Variants in IGSF11 observed in about 807,000 individuals in gnomAD.
IGSF11 encodes CXADR like 1.
IGSF11 carries 22 observed loss-of-function variants against 41.0 expected under a neutral mutation model. The observed-to-expected ratio is 0.54, with a 90% confidence interval of 0.38 to 0.77. The LOEUF (loss-of-function observed/expected upper bound fraction) is 0.77. IGSF11 is among the 30% of genes least tolerant of loss of function. The pLI, the probability that IGSF11 is intolerant of heterozygous loss-of-function variation, is 0.00. For missense variants in IGSF11, 444 were observed against 530.8 expected, an observed-to-expected ratio of 0.84 and a Z score of 1.61; for synonymous variants, 219 against 201.3, an observed-to-expected ratio of 1.09 and a Z score of -0.74.
At chr3:119,060,682 T>G (rs931346970) in intron 1 of IGSF11, among the ~76,000 whole-genome samples, 3 of 152,170 alleles carry the variant, frequency 2.0e-5, no homozygotes, top group Non-Finnish European at 4.4e-5. Context: ...ATAGTAAAGC[T>G]TAGAAAGTAA....
At chr3:119,012,142 G>A (rs112867874) in intron 1 of IGSF11, among the ~76,000 whole-genome samples, 2 of 152,228 alleles carry the variant, frequency 1.3e-5, no homozygotes, top group African/African-American at 4.8e-5. Context: ...GAAAAGAAAA[G>A]TGAGACACAG....
At chr3:119,056,683 A>G (rs575716625) in intron 1 of IGSF11, among the ~76,000 whole-genome samples, 1 of 152,380 alleles carries the variant, frequency 6.6e-6, no homozygotes, top group South Asian at 2.1e-4. Flanking sequence ...AGAGAATTTT[A>G]GACCAATGTC....
intron 1 of IGSF11, among the ~76,000 whole-genome samples, chr3:118,989,039 G>A (rs1935528113): frequency 6.6e-6 from 1 of 152,126 alleles, no homozygotes; most frequent in Non-Finnish European, 1.5e-5. Flanking sequence ...TAAGACCAAT[G>A]CTACCCTTAA....
intron 1 of IGSF11, among the ~76,000 whole-genome samples, chr3:119,015,099 T>C (rs1231704180): frequency 1.3e-5 from 2 of 152,194 alleles, no homozygotes; most frequent in East Asian, 3.8e-4. Flanking sequence ...TGTTTATTAC[T>C]GCAAACAAAC....
chr3:118,905,714 C>A lies in IGSF11; in HGVS notation c.585G>T (p.Gln195His). Residue 195 changes from glutamine to histidine, a missense_variant, in exon 5 of 7, where the codon CAG becomes CAT. This residue lies in a region of IGSF11 where 193 missense variants were observed against 283.5 expected (regional missense o/e 0.68). Transcript: ENST00000393775. Reference protein sequence around the residue: ...LKLPPTATQDQVQGTVTIRNI... With the variant: ...LKLPPTATQDHVQGTVTIRNI... ...TCCGGATGGTGACTGTTCCCTGGAC[C>A]TGGTCTGTCACAAAAATAATAACCG... The A allele has an allele frequency of 1.2e-6, 2 of 1,613,602 alleles. No individual in the cohort carries two copies. Among genetic ancestry groups the A allele is most frequent in the Non-Finnish European group, 1.7e-6 (2 of 1,179,660 alleles).
chr3:119,008,788 C>A (rs527593304), intron 1 of IGSF11, among the ~76,000 whole-genome samples: 31 of 152,240 alleles, frequency 2.0e-4, no homozygotes, highest in Middle Eastern at 3.4e-3. Flanking sequence ...ATGAGATTAA[C>A]ATTTAAGTCA....
At chr3:119,142,801 T>C (rs2077667061) in intron 1 of IGSF11, among the ~76,000 whole-genome samples, 1 of 151,948 alleles carries the variant, frequency 6.6e-6, no homozygotes, top group South Asian at 2.1e-4. Context: ...TACATGACAA[T>C]AAAACTTTCA....
chr3:118,975,851 A>T (rs758855868), intron 1 of IGSF11, among the ~76,000 whole-genome samples: 3 of 152,142 alleles, frequency 2.0e-5, no homozygotes, highest in Non-Finnish European at 4.4e-5. Flanking sequence ...AGAACAACAG[A>T]CACTGGGGAC....
intron 1 of IGSF11, among the ~76,000 whole-genome samples, chr3:118,933,321 T>C (rs1184398870): frequency 6.6e-6 from 1 of 152,020 alleles, no homozygotes; most frequent in Non-Finnish European, 1.5e-5. Flanking sequence ...GAGCTAAATA[T>C]TATCATCACA....
intron 1 of IGSF11, among the ~76,000 whole-genome samples, chr3:118,982,219 C>T (rs1351931944): frequency 6.6e-6 from 1 of 152,168 alleles, no homozygotes; most frequent in Non-Finnish European, 1.5e-5. Context: ...AAGGCCATCT[C>T]CCTTGGATCT....
chr3:119,121,318 A>T (rs982717834), intron 1 of IGSF11, among the ~76,000 whole-genome samples: 3 of 152,206 alleles, frequency 2.0e-5, no homozygotes, highest in African/African-American at 4.8e-5. Flanking sequence ...GAGCTAAAGG[A>T]AGCCAGGAGA....
intron 1 of IGSF11, among the ~76,000 whole-genome samples, chr3:118,988,939 T>C (rs1171491229): frequency 6.6e-6 from 1 of 152,198 alleles, no homozygotes; most frequent in African/African-American, 2.4e-5. Context: ...CAGTAGACTT[T>C]CACTATGACA....
intron 1 of IGSF11, among the ~76,000 whole-genome samples, chr3:119,029,001 A>G (rs966182961): frequency 1.1e-4 from 17 of 151,992 alleles, no homozygotes; most frequent in Admixed American, 5.9e-4. Context: ...ATTTCTTTAC[A>G]ACCTCCCATG....
chr3:119,034,292 G>C (rs943851971), intron 1 of IGSF11, among the ~76,000 whole-genome samples: 10 of 152,214 alleles, frequency 6.6e-5, no homozygotes, highest in Admixed American at 1.3e-4. Context: ...TGGGACCGGA[G>C]GTAGCCGGAC....
chr3:119,060,650 G>A (rs372393839), intron 1 of IGSF11, among the ~76,000 whole-genome samples: 1 of 152,152 alleles, frequency 6.6e-6, no homozygotes, highest in Non-Finnish European at 1.5e-5. Context: ...AAACTGCATA[G>A]TCAAGATGAT....
intron 1 of IGSF11, among the ~76,000 whole-genome samples, chr3:118,948,589 C>T (rs1368610478): frequency 2.0e-5 from 3 of 152,156 alleles, no homozygotes; most frequent in Admixed American, 6.5e-5. Context: ...ATAGTAAATA[C>T]AGCCATTTGT....
At chr3:118,982,335 TA>T (rs1164238721) in intron 1 of IGSF11, among the ~76,000 whole-genome samples, 10 of 152,298 alleles carry the variant, frequency 6.6e-5, no homozygotes, top group African/African-American at 2.2e-4. Flanking sequence ...AGCCTGCATT[TA>T]AAGCCCCCTC....
intron 1 of IGSF11, among the ~76,000 whole-genome samples, chr3:118,936,368 G>C (rs1350902873): frequency 6.6e-6 from 1 of 151,900 alleles, no homozygotes; most frequent in Admixed American, 6.6e-5. Context: ...TTAGCCAGGC[G>C]TGGTGGCAGG....
At chr3:118,946,288 C>T (rs1559940755) in intron 1 of IGSF11, among the ~76,000 whole-genome samples, 1 of 150,852 alleles carries the variant, frequency 6.6e-6, no homozygotes, top group South Asian at 2.1e-4. Flanking sequence ...AAAAAAATCA[C>T]ACAACTTCCC....
Sources: gnomAD v4.1 joint callset for allele counts (sites outside exome capture counted in the v4.1 genomes callset) on GRCh38, gnomAD v4.1.1 for gene constraint, gnomAD v4.1.1 regional missense constraint, MANE v1.5 for transcripts, NCBI Gene and HGNC (gene_info 2026-07-23, HGNC 2026-07-21) for gene names.